The following PPM1L variants were observed in gnomAD, a reference collection of about 807,000 sequenced individuals.
PPM1L encodes protein phosphatase 1L.
PPM1L carries 13 observed loss-of-function variants against 31.4 expected under a neutral mutation model. That is an observed-to-expected ratio of 0.41 (90% CI 0.27 to 0.66). The LOEUF (loss-of-function observed/expected upper bound fraction) is 0.66, where lower values mean the gene tolerates loss of function less well. PPM1L is among the 30% of genes least tolerant of loss of function. PPM1L has a pLI of 0.29. For missense variants in PPM1L, 326 were observed against 453.7 expected (o/e 0.72, Z 2.56); for synonymous variants, 184 against 175.4 (o/e 1.05, Z -0.39).
intron 2 of PPM1L, among the ~76,000 whole-genome samples, chr3:161,009,978 T>C (rs924820663): frequency 6.6e-6 from 1 of 152,132 alleles, no homozygotes; most frequent in Non-Finnish European, 1.5e-5. Context: ...TTATAAAATA[T>C]CCATGTTAGT....
intron 1 of PPM1L, among the ~76,000 whole-genome samples, chr3:160,899,133 G>A (rs1396367607): frequency 2.6e-5 from 4 of 152,084 alleles, no homozygotes; most frequent in African/African-American, 4.8e-5. Flanking sequence ...GAAAAAGGAG[G>A]GATGGAGGAT....
chr3:160,892,312 C>A (rs111683850), intron 1 of PPM1L, among the ~76,000 whole-genome samples: 1,902 of 152,066 alleles, frequency 0.013, 38 homozygotes, highest in African/African-American at 0.044. Context: ...CATCACATGG[C>A]GAGAGCAGGA....
intron 2 of PPM1L, among the ~76,000 whole-genome samples, chr3:160,974,635 T>A (rs1370236579): frequency 1.3e-5 from 2 of 151,136 alleles, no homozygotes; most frequent in East Asian, 3.9e-4. Flanking sequence ...ATGATGAGCA[T>A]TTTTTCATGT....
At chr3:161,046,786 T>TA (rs1448644992) in intron 2 of PPM1L, among the ~76,000 whole-genome samples, 6 of 152,178 alleles carry the variant, frequency 3.9e-5, no homozygotes, top group African/African-American at 1.2e-4. Flanking sequence ...TGGTTCAACA[T>TA]ACGCAAATCA....
At chr3:161,049,100 A>G (rs1719182002) in intron 2 of PPM1L, among the ~76,000 whole-genome samples, 1 of 151,310 alleles carries the variant, frequency 6.6e-6, no homozygotes, top group Admixed American at 6.6e-5. Flanking sequence ...AACCACGGTG[A>G]GACATCATCT....
At chr3:160,934,272 G>A (rs1215826652) in intron 1 of PPM1L, among the ~76,000 whole-genome samples, 1 of 152,180 alleles carries the variant, frequency 6.6e-6, no homozygotes, top group East Asian at 1.9e-4. Flanking sequence ...CTCCTGCTGT[G>A]ACCAAAGTCA....
chr3:160,912,834 A>T (rs1188120666), intron 1 of PPM1L, among the ~76,000 whole-genome samples: 1 of 152,166 alleles, frequency 6.6e-6, no homozygotes, highest in African/African-American at 2.4e-5. Context: ...CCCTTCCCCA[A>T]AGATTTTACA....
At chr3:160,866,429 A>G (rs1468531264) in intron 1 of PPM1L, among the ~76,000 whole-genome samples, 1 of 152,202 alleles carries the variant, frequency 6.6e-6, no homozygotes, top group African/African-American at 2.4e-5. Context: ...GCAAAGATCC[A>G]TGTCCCTTGT....
chr3:160,970,828 C>G (rs1484344671), intron 2 of PPM1L, among the ~76,000 whole-genome samples: 1 of 113,418 alleles, frequency 8.8e-6, no homozygotes, highest in East Asian at 2.5e-4. Context: ...GTCTCGCTGT[C>G]GCCCAGGCTG....
intron 2 of PPM1L, among the ~76,000 whole-genome samples, chr3:160,969,409 A>C (rs1468435881): frequency 2.0e-5 from 3 of 152,234 alleles, no homozygotes; most frequent in Admixed American, 6.5e-5. Context: ...CATAGTAATC[A>C]GTAATCTCAA....
At chr3:161,042,743 AGGCAC>A (rs1237612591) in intron 2 of PPM1L, among the ~76,000 whole-genome samples, 1 of 152,120 alleles carries the variant, frequency 6.6e-6, no homozygotes, top group Non-Finnish European at 1.5e-5. Context: ...TTTTTTGGCC[AGGCAC>A]CGTGGCTCAC....
At chr3:160,829,279 A>G (rs1235708743) in intron 1 of PPM1L, among the ~76,000 whole-genome samples, 4 of 151,970 alleles carry the variant, frequency 2.6e-5, no homozygotes, top group Non-Finnish European at 5.9e-5. Context: ...TCTGTGGTAT[A>G]TGGCACCAAT....
intron 2 of PPM1L, among the ~76,000 whole-genome samples, chr3:160,974,866 C>G (rs1315615272): frequency 6.9e-6 from 1 of 145,976 alleles, no homozygotes; most frequent in Non-Finnish European, 1.5e-5. Flanking sequence ...TGCAGAAGCT[C>G]TTTAGTTTAA....
At position 160,944,748 on chromosome 3, in the gene PPM1L, A is replaced by ATATATATGTTATTATATTATAT. The variant is rs1553748103; in HGVS notation, c.400-16976_400-16975insTATATTATATTATATATGTTAT. 2.7e-4 allele frequency among the ~76,000 whole-genome samples: 24 copies of ATATATATGTTATTATATTATAT among 87,918 alleles called. 1 individual carries two copies. The highest frequency in any genetic ancestry group is 8.6e-4 in the African/African-American group (24 of 27,912). The allele number at this position is 87,918 out of a possible 152,430, so 57.7% of individuals were successfully genotyped here. A position where few individuals can be genotyped will look rare whatever the true frequency, so the allele number is the denominator to read the frequency against. Reference sequence around the variant, plus strand: ...TATATAACATGTTATATATTATATAATATATATGTTATATATAACATGTTA... The same window carrying ATATATATGTTATTATATTATAT: ...TATATAACATGTTATATATTATATAATATATATGTTATTATATTATATTATATATGTTATATATAACATGTTA... On this transcript the variant is annotated intron_variant, in intron 1 of 3. Coordinates refer to ENST00000498165, the MANE Select transcript of PPM1L (RefSeq NM_139245.4).
chr3:160,944,833 T>TATATAACATATATGTTATATATATAAC (rs1216107906), intron 1 of PPM1L, among the ~76,000 whole-genome samples: 24 of 13,284 alleles, frequency 1.8e-3, no homozygotes, highest in African/African-American at 4.1e-3. Context: ...ATATATAACA[T>TATATAACATATATGTTATATATATAAC]ATATATGTTA....
At chr3:160,798,071 G>C (rs967526956) in intron 1 of PPM1L, among the ~76,000 whole-genome samples, 4 of 152,102 alleles carry the variant, frequency 2.6e-5, no homozygotes, top group Non-Finnish European at 2.9e-5. Context: ...CTAGCTACTT[G>C]GGAGGCTGAG....
At chr3:161,034,374 T>G (rs1718673261) in intron 2 of PPM1L, among the ~76,000 whole-genome samples, 1 of 152,128 alleles carries the variant, frequency 6.6e-6, no homozygotes, top group Non-Finnish European at 1.5e-5. Context: ...ATCATGCCAC[T>G]ATAAAGACAC....
intron 2 of PPM1L, among the ~76,000 whole-genome samples, chr3:160,993,798 T>G (rs1334387325): frequency 6.6e-6 from 1 of 152,174 alleles, no homozygotes; most frequent in Non-Finnish European, 1.5e-5. Flanking sequence ...TTACAAAACT[T>G]GAACCGACAA....
At chr3:161,041,051 G>A (rs1020013491) in intron 2 of PPM1L, among the ~76,000 whole-genome samples, 2 of 152,114 alleles carry the variant, frequency 1.3e-5, no homozygotes, top group African/African-American at 4.8e-5. Flanking sequence ...GGAAACATTT[G>A]TCATCTACTG....
Sources: gnomAD v4.1 joint callset for allele counts (sites outside exome capture counted in the v4.1 genomes callset) on GRCh38, gnomAD v4.1.1 for gene constraint, MANE v1.5 for transcripts, NCBI Gene and HGNC (gene_info 2026-07-23, HGNC 2026-07-21) for gene names.